The following NRG3 variants were observed in gnomAD, a reference collection of about 807,000 sequenced individuals.
NRG3 encodes neuregulin 3.
A neutral mutation model predicts 66.9 loss-of-function variants in NRG3; 31 were observed. The observed-to-expected ratio is 0.46, with a 90% CI of 0.35 to 0.63. NRG3 has a LOEUF of 0.63. NRG3 is among the 20% of genes least tolerant of loss of function. NRG3 has a pLI of 0.00. For synonymous variants in NRG3, 393 were observed against 359.4 expected, an observed-to-expected ratio of 1.09 and a Z score of -1.06; for missense variants, 910 against 878.9, an observed-to-expected ratio of 1.04 and a Z score of -0.45.
chr10:82,256,870 C>T (rs907985663), intron 1 of NRG3, among the ~76,000 whole-genome samples: 3 of 152,162 alleles, frequency 2.0e-5, no homozygotes, highest in Non-Finnish European at 2.9e-5. Flanking sequence ...AACATTATGT[C>T]TCTATCTATG....
intron 1 of NRG3, among the ~76,000 whole-genome samples, chr10:82,239,781 C>A (rs2076927224): frequency 6.6e-6 from 1 of 151,680 alleles, no homozygotes; most frequent in African/African-American, 2.4e-5. Context: ...ATTTTTATTC[C>A]ACCTTTGTAT....
chr10:82,137,004 G>A (rs759305929), intron 1 of NRG3, among the ~76,000 whole-genome samples: 5 of 152,296 alleles, frequency 3.3e-5, no homozygotes, highest in Non-Finnish European at 5.9e-5. Flanking sequence ...TTAATATGAT[G>A]TCAAAACAAG....
chr10:82,503,788 C>T (rs1844418149), intron 2 of NRG3, among the ~76,000 whole-genome samples: 1 of 152,134 alleles, frequency 6.6e-6, no homozygotes, highest in African/African-American at 2.4e-5. Flanking sequence ...GTTTACACAA[C>T]CTCATACACA....
chr10:82,268,382 T>G (rs2078417422), intron 1 of NRG3, among the ~76,000 whole-genome samples: 1 of 152,142 alleles, frequency 6.6e-6, no homozygotes, highest in African/African-American at 2.4e-5. Context: ...CTTTCCTCTT[T>G]GTTTTTATAC....
Position 82,508,631 on chromosome 10 carries a change from G to T in NRG3, c.953+149763G>T, listed in dbSNP as rs77668390. Among the ~76,000 whole-genome samples, 1,453 of 152,306 alleles carry T rather than the reference G, an allele frequency of 9.5e-3. 29 individuals carry two copies. Among genetic ancestry groups the T allele is most frequent in the African/African-American group, 0.033 (1,386 of 41,556 alleles). On this transcript the variant is annotated intron_variant, in intron 2 of 8. Transcript: ENST00000372141. ...GAAGTTGTGCACAGATCTGCATTTAGTGTTGTTTGCCACTTCTTCCTTAAA... is the reference window on the plus strand; with the variant it reads ...GAAGTTGTGCACAGATCTGCATTTATTGTTGTTTGCCACTTCTTCCTTAAA...
At chr10:82,483,511 G>C (rs1842450119) in intron 2 of NRG3, among the ~76,000 whole-genome samples, 1 of 152,224 alleles carries the variant, frequency 6.6e-6, no homozygotes, top group Non-Finnish European at 1.5e-5. Context: ...TGTTGCTGAT[G>C]ATGTAAAGTA....
At chr10:82,414,867 A>T (rs145230031) in intron 2 of NRG3, among the ~76,000 whole-genome samples, 1 of 152,310 alleles carries the variant, frequency 6.6e-6, no homozygotes, top group African/African-American at 2.4e-5. Flanking sequence ...CTTGTATTAC[A>T]GTCTTGAGGA....
At chr10:82,396,203 T>G (rs1033886414) in intron 2 of NRG3, among the ~76,000 whole-genome samples, 8 of 152,172 alleles carry the variant, frequency 5.3e-5, no homozygotes, top group Non-Finnish European at 8.8e-5. Flanking sequence ...GAAGATTTTT[T>G]TGCTGTCCTC....
intron 1 of NRG3, among the ~76,000 whole-genome samples, chr10:82,342,685 T>A (rs1412017214): frequency 1.3e-5 from 2 of 152,132 alleles, no homozygotes; most frequent in African/African-American, 4.8e-5. Context: ...GTCAGATGCA[T>A]AGATTGCAAA....
At chr10:82,338,164 A>G (rs895505431) in intron 1 of NRG3, among the ~76,000 whole-genome samples, 7 of 152,364 alleles carry the variant, frequency 4.6e-5, no homozygotes, top group African/African-American at 1.4e-4. Flanking sequence ...AAAAGGATCA[A>G]TTCTCTTTCT....
At chr10:82,281,234 A>T (rs1302135440) in intron 1 of NRG3, among the ~76,000 whole-genome samples, 6 of 152,086 alleles carry the variant, frequency 3.9e-5, no homozygotes, top group Non-Finnish European at 4.4e-5. Flanking sequence ...GTCTGGGATG[A>T]GGTATGGTCT....
At chr10:82,367,352 T>C (rs1410533512) in intron 2 of NRG3, among the ~76,000 whole-genome samples, 1 of 152,172 alleles carries the variant, frequency 6.6e-6, no homozygotes, top group African/African-American at 2.4e-5. Flanking sequence ...CCCTTAACCC[T>C]TATAATGAGA....
intron 2 of NRG3, among the ~76,000 whole-genome samples, chr10:82,600,709 C>G (rs1229146689): frequency 6.6e-6 from 1 of 152,108 alleles, no homozygotes. Context: ...ACCTCGTGAT[C>G]CTTTCACCTT....
At position 82,547,623 on chromosome 10, in the gene NRG3, A is replaced by ATG. The variant is rs375420506; in HGVS notation, c.953+188767_953+188768dup. On this transcript the variant is annotated intron_variant, in intron 2 of 8. Coordinates refer to ENST00000372141, the MANE Select transcript of NRG3 (RefSeq NM_001010848.4). ...TATGTATATATGTACATATACATAT[A>ATG]TGTGTGTGTGTGTATATATATATAT... Among the ~76,000 whole-genome samples, 1,318 of 151,558 alleles carry ATG rather than the reference A, an allele frequency of 8.7e-3. 9 individuals are homozygous for ATG. The highest frequency in any genetic ancestry group is 0.014 in the Non-Finnish European group (959 of 67,864).
intron 1 of NRG3, among the ~76,000 whole-genome samples, chr10:81,971,771 C>T (rs539750748): frequency 1.3e-5 from 2 of 152,192 alleles, no homozygotes; most frequent in East Asian, 3.9e-4. Context: ...TGCAGGGAGA[C>T]CATGGTGGCT....
At chr10:81,949,513 A>G (rs1849142167) in intron 1 of NRG3, among the ~76,000 whole-genome samples, 1 of 152,052 alleles carries the variant, frequency 6.6e-6, no homozygotes. Context: ...TGGCTGCATC[A>G]GCCCACTGGT....
chr10:82,392,894 A>ATT (rs68069830), intron 2 of NRG3, among the ~76,000 whole-genome samples: 3,972 of 147,152 alleles, frequency 0.027, 71 homozygotes, highest in African/African-American at 0.04. Context: ...ATATATATAT[A>ATT]TATATTTTTT....
In NRG3 at chr10:82,954,342, G is replaced by A. The variant is rs191873707; in HGVS notation, c.1157+2771G>A. Among the ~76,000 whole-genome samples, 194 of 151,878 alleles carry A rather than the reference G, an allele frequency of 1.3e-3. 2 individuals are homozygous for A. Among genetic ancestry groups the A allele is most frequent in the African/African-American group, 4.5e-3 (187 of 41,248 alleles). ...GATTACCAGGGGACTTCCATCTTTG[G>A]GGCTGTCAATGTCTCACTCTGGACA... is the stretch of plus-strand genomic sequence containing the variant. On this transcript the variant is annotated intron_variant, in intron 5 of 8. Transcript: ENST00000372141.
intron 3 of NRG3, among the ~76,000 whole-genome samples, chr10:82,822,574 C>G (rs184494053): frequency 3.0e-4 from 45 of 152,268 alleles, no homozygotes; most frequent in Admixed American, 2.7e-3. Flanking sequence ...TGGCCTGAGG[C>G]AGGCTCAAGT....
Sources: gnomAD v4.1 joint callset for allele counts (sites outside exome capture counted in the v4.1 genomes callset) on GRCh38, gnomAD v4.1.1 for gene constraint, MANE v1.5 for transcripts, NCBI Gene and HGNC (gene_info 2026-07-23, HGNC 2026-07-21) for gene names.